SAMD5: variants seen among roughly 807,000 people sequenced by gnomAD.
SAMD5 encodes the protein sterile alpha motif domain-containing protein 5.
SAMD5 carries 13 observed loss-of-function variants against 11.3 expected under a neutral mutation model. The observed-to-expected ratio is 1.15, with a 90% CI of 0.75 to 1.83. The LOEUF (loss-of-function observed/expected upper bound fraction) is 1.83. SAMD5 is among the 40% of genes most tolerant of loss of function. The pLI is 0.00. For synonymous variants in SAMD5, 129 were observed against 111.3 expected, an observed-to-expected ratio of 1.16 and a Z score of -1.00; for missense variants, 255 against 239.1, an observed-to-expected ratio of 1.07 and a Z score of -0.44.
chr6:147,723,379 A>C (rs3908265), intron 1 of SAMD5, among the ~76,000 whole-genome samples: 28,096 of 152,070 alleles, frequency 0.18, 4,352 homozygotes, highest in African/African-American at 0.42. Flanking sequence ...TTCTTCCCCC[A>C]AAATCATTGG....
At chr6:147,720,424 C>T (rs1309327182) in intron 1 of SAMD5, among the ~76,000 whole-genome samples, 2 of 151,624 alleles carry the variant, frequency 1.3e-5, no homozygotes, top group Non-Finnish European at 2.9e-5. Flanking sequence ...GATAGCGCCA[C>T]TGCACTCCAG....
At chr6:147,523,935 C>T (rs1456005333) in intron 1 of SAMD5, among the ~76,000 whole-genome samples, 3 of 152,094 alleles carry the variant, frequency 2.0e-5, no homozygotes, top group African/African-American at 7.2e-5. Context: ...TCAGGATATT[C>T]ATATTGAACC....
At chr6:147,523,325 C>T (rs1235143756) in intron 1 of SAMD5, among the ~76,000 whole-genome samples, 1 of 152,114 alleles carries the variant, frequency 6.6e-6, no homozygotes, top group Non-Finnish European at 1.5e-5. Context: ...TACATTTAAA[C>T]ATTTATTGAA....
chr6:147,870,253 A>G, the SAMD5 span, among the ~76,000 whole-genome samples: 1 of 152,034 alleles, frequency 6.6e-6, no homozygotes, highest in East Asian at 1.9e-4. Context: ...GGTGCTGGGA[A>G]GAAACTAAAT....
At chr6:147,782,974 G>A in the SAMD5 span, among the ~76,000 whole-genome samples, 2 of 152,022 alleles carry the variant, frequency 1.3e-5, no homozygotes, top group South Asian at 2.1e-4. Flanking sequence ...TCTAAAATAT[G>A]GAACTTAATC....
chr6:147,876,176 T>C, the SAMD5 span, among the ~76,000 whole-genome samples: 1 of 152,158 alleles, frequency 6.6e-6, no homozygotes, highest in Admixed American at 6.5e-5. Flanking sequence ...TAGTAATTTT[T>C]AAACAAGGGG....
intron 1 of SAMD5, among the ~76,000 whole-genome samples, chr6:147,649,959 T>C (rs1241028073): frequency 2.0e-5 from 3 of 152,156 alleles, no homozygotes; most frequent in Admixed American, 6.5e-5. Context: ...AAGTGTACCT[T>C]ATATGTTGAC....
chr6:147,608,842 T>C (rs1734079128), intron 1 of SAMD5, among the ~76,000 whole-genome samples: 1 of 152,186 alleles, frequency 6.6e-6, no homozygotes, highest in Non-Finnish European at 1.5e-5. Flanking sequence ...CTTGAGGGGA[T>C]AGAGACCCCA....
chr6:147,653,745 T>G (rs1790525243), intron 1 of SAMD5, among the ~76,000 whole-genome samples: 2 of 152,250 alleles, frequency 1.3e-5, no homozygotes, highest in African/African-American at 4.8e-5. Flanking sequence ...CTTGGACATT[T>G]GCAAATTGCA....
the SAMD5 span, among the ~76,000 whole-genome samples, chr6:147,953,082 C>T: frequency 6.6e-6 from 1 of 152,072 alleles, no homozygotes; most frequent in African/African-American, 2.4e-5. Context: ...TCAAAACCTC[C>T]TACAGTTGAT....
At chr6:147,725,893 T>G (rs1791619066) in intron 1 of SAMD5, among the ~76,000 whole-genome samples, 1 of 152,116 alleles carries the variant, frequency 6.6e-6, no homozygotes, top group Non-Finnish European at 1.5e-5. Flanking sequence ...AAAAAGGAGA[T>G]TCAGCATTAC....
chr6:147,674,620 A>G (rs1583134564), intron 1 of SAMD5, among the ~76,000 whole-genome samples: 1 of 152,126 alleles, frequency 6.6e-6, no homozygotes, highest in East Asian at 1.9e-4. Context: ...CCTGGATAAA[A>G]TCTCTTCCTG....
At chr6:147,834,127 G>A in the SAMD5 span, among the ~76,000 whole-genome samples, 1 of 152,186 alleles carries the variant, frequency 6.6e-6, no homozygotes, top group African/African-American at 2.4e-5. Flanking sequence ...ATATTTTTGA[G>A]CAGTGGCATA....
At chr6:147,717,945 T>C (rs1791491738) in intron 1 of SAMD5, among the ~76,000 whole-genome samples, 1 of 152,198 alleles carries the variant, frequency 6.6e-6, no homozygotes, top group African/African-American at 2.4e-5. Context: ...TTTTGTAGAA[T>C]GTTGGAAGAT....
At chr6:147,590,050 A>G (rs1173854756) in intron 1 of SAMD5, among the ~76,000 whole-genome samples, 2 of 152,208 alleles carry the variant, frequency 1.3e-5, no homozygotes, top group Non-Finnish European at 2.9e-5. Flanking sequence ...AAATCTAGCA[A>G]AATGCCAGCA....
chr6:147,888,280 T>A, the SAMD5 span, among the ~76,000 whole-genome samples: 1 of 152,046 alleles, frequency 6.6e-6, no homozygotes, highest in South Asian at 2.1e-4. Flanking sequence ...TAAATCACGT[T>A]TTCATCTGTT....
chr6:147,678,658 TGGAA>T, intron 1 of SAMD5, among the ~76,000 whole-genome samples: 1 of 152,122 alleles, frequency 6.6e-6, no homozygotes. Flanking sequence ...ATGAAATGGG[TGGAA>T]GGATGTCCCA....
At chr6:147,574,205 A>G (rs1789181674), downstream of SAMD5, among the ~76,000 whole-genome samples, 1 of 146,556 alleles carries the variant, frequency 6.8e-6, no homozygotes, top group Non-Finnish European at 1.5e-5. Flanking sequence ...TGCCAACACT[A>G]AAAAAAAAAT....
chr6:147,760,262 G>A, the SAMD5 span, among the ~76,000 whole-genome samples: 673 of 152,138 alleles, frequency 4.4e-3, 7 homozygotes, highest in African/African-American at 0.015. Context: ...CTGCCGAGCC[G>A]CAATGGACAA....
Sources: gnomAD v4.1 joint callset for allele counts (sites outside exome capture counted in the v4.1 genomes callset) on GRCh38, gnomAD v4.1.1 for gene constraint, MANE v1.5 for transcripts, NCBI Gene and HGNC (gene_info 2026-07-23, HGNC 2026-07-21) for gene names.